ARHGAP6: variants seen among roughly 807,000 people sequenced by gnomAD.
ARHGAP6 encodes the protein Rho GTPase activating protein 6.
Under a neutral mutation model 55.7 loss-of-function variants are expected in ARHGAP6, and 16 were observed. The ratio of observed to expected loss-of-function variants is 0.29; its 90% CI spans 0.19 to 0.44. The LOEUF is 0.44. Among genes scored for constraint, ARHGAP6 ranks in the 20% least tolerant of loss-of-function variants. ARHGAP6 has a pLI of 1.00. For synonymous variants in ARHGAP6, 382 were observed against 360.9 expected (o/e 1.06, Z -0.66); for missense variants, 698 against 808.9 (o/e 0.86, Z 1.66).
rs16998849 is a variant in ARHGAP6 at position 11,241,393 on chromosome X, G to C, written c.748+13155C>G. Among the ~76,000 whole-genome samples, 1,099 of 111,038 alleles carry C rather than the reference G, an allele frequency of 9.9e-3. 10 individuals carry two copies. Among genetic ancestry groups the C allele is most frequent in the African/African-American group, 0.034 (1,050 of 30,554 alleles). ...TGAGAAAATTGCAAATTCAGGAGTG[G>C]ATTGCTAGTTTCTTAAGTGGGAACC... On this transcript the variant is annotated intron_variant, in intron 2 of 12. Transcript: ENST00000337414.
chrX:11,360,092 T>G (rs1297112112), intron 1 of ARHGAP6, among the ~76,000 whole-genome samples: 2 of 111,543 alleles, frequency 1.8e-5, no homozygotes, highest in African/African-American at 6.5e-5. Context: ...GAGGAACCAG[T>G]ACCATTCCTT....
At chrX:11,517,561 C>T (rs2050855666) in intron 1 of ARHGAP6, among the ~76,000 whole-genome samples, 1 of 111,220 alleles carries the variant, frequency 9.0e-6, no homozygotes, top group South Asian at 3.8e-4. Context: ...ATCTTTAGCC[C>T]TCATCTCTCT....
At chrX:11,588,864 C>T (rs944838838) in intron 1 of ARHGAP6, among the ~76,000 whole-genome samples, 1 of 111,207 alleles carries the variant, frequency 9.0e-6, no homozygotes, top group Admixed American at 9.6e-5. Context: ...TGGACAACCT[C>T]GTGAATATAC....
In ARHGAP6 at chrX:11,186,353, G is replaced by A; in HGVS notation, c.1156C>T (p.Pro386Ser). 8.3e-7 allele frequency: 1 copy of A among 1,210,828 alleles called. No individual in the cohort carries two copies. The highest frequency in any genetic ancestry group is 1.1e-6 in the Non-Finnish European group (1 of 894,957). The change falls in exon 5 of 13, where the codon CCT becomes TCT. Residue 386 changes from proline (P) to serine (S), a missense_variant. By Grantham distance (74) the Pro-to-Ser change is moderately conservative. Around this residue, in one of 3 missense-constraint regions of ARHGAP6, gnomAD observed 322 missense variants for 451.1 expected, o/e 0.71. Coordinates refer to ENST00000337414, the MANE Select transcript of ARHGAP6 (RefSeq NM_013427.3). ...RLLEALQLSL[P>S]AEAQSKKEKA... ...TCCTTTTTACTTTGAGCCTCAGCAG[G>A]CAAGGAAAGTTGTAAAGCTTCTAGT...
intron 1 of ARHGAP6, among the ~76,000 whole-genome samples, chrX:11,439,155 A>G (rs2050017346): frequency 8.9e-6 from 1 of 112,444 alleles, no homozygotes; most frequent in South Asian, 3.7e-4. Flanking sequence ...AAAACTTTAA[A>G]AGGAAAGCAT....
chrX:11,400,631 T>C (rs1017336019), intron 1 of ARHGAP6, among the ~76,000 whole-genome samples: 2 of 110,630 alleles, frequency 1.8e-5, no homozygotes, highest in African/African-American at 6.6e-5. Flanking sequence ...CCAATTTCTC[T>C]TTAAAACACC....
At chrX:11,656,041 G>A (rs1189509432) in intron 1 of ARHGAP6, among the ~76,000 whole-genome samples, 1 of 112,547 alleles carries the variant, frequency 8.9e-6, no homozygotes, top group Non-Finnish European at 1.9e-5. Context: ...AGTACAAATG[G>A]AGCCTTCTCA....
intron 1 of ARHGAP6, among the ~76,000 whole-genome samples, chrX:11,372,870 TAAGGA>T (rs779430818): frequency 9.2e-6 from 1 of 108,844 alleles, no homozygotes; most frequent in Non-Finnish European, 1.9e-5. Flanking sequence ...GCTGAAAGGT[TAAGGA>T]AAGACTTTGG....
At chrX:11,361,353 A>G (rs918243425) in intron 1 of ARHGAP6, among the ~76,000 whole-genome samples, 2 of 110,577 alleles carry the variant, frequency 1.8e-5, no homozygotes, top group East Asian at 2.8e-4. Context: ...AACGCCGCAT[A>G]TCTACAACTA....
chrX:11,339,145 C>T (rs1394088256), intron 1 of ARHGAP6, among the ~76,000 whole-genome samples: 2 of 112,335 alleles, frequency 1.8e-5, no homozygotes, highest in East Asian at 2.8e-4. Flanking sequence ...CTCAGGCACA[C>T]TCCAGGTGCT....
intron 1 of ARHGAP6, among the ~76,000 whole-genome samples, chrX:11,267,523 T>A (rs1326461103): frequency 1.8e-5 from 2 of 112,139 alleles, no homozygotes; most frequent in Admixed American, 9.5e-5. Flanking sequence ...AAAACCACAG[T>A]TCAGAGTCAG....
intron 1 of ARHGAP6, among the ~76,000 whole-genome samples, chrX:11,655,642 G>T (rs753997994): frequency 8.9e-6 from 1 of 112,007 alleles, no homozygotes; most frequent in African/African-American, 3.2e-5. Context: ...TGAAAACATC[G>T]TTCTTTACCA....
intron 10 of ARHGAP6, chrX:11,145,094 C>T (rs1183202389): frequency 8.9e-6 from 1 of 112,202 alleles, no homozygotes; most frequent in Non-Finnish European, 1.9e-5. Context: ...TTCTTTTCTA[C>T]CCTCCTCAAA....
At chrX:11,439,605 T>A (rs1219662351) in intron 1 of ARHGAP6, among the ~76,000 whole-genome samples, 4 of 112,474 alleles carry the variant, frequency 3.6e-5, no homozygotes, top group South Asian at 7.4e-4. Flanking sequence ...GAAAAAAAAA[T>A]TATCTTCCAT....
intron 1 of ARHGAP6, among the ~76,000 whole-genome samples, chrX:11,347,838 C>T (rs1440174931): frequency 9.0e-6 from 1 of 111,316 alleles, no homozygotes; most frequent in Non-Finnish European, 1.9e-5. Flanking sequence ...AAGTCCAGCC[C>T]ACAAAGTAGT....
In ARHGAP6 at chrX:11,158,971, C is replaced by T. The variant is rs111869075; in HGVS notation, c.1810-2345G>A. Among the ~76,000 whole-genome samples, 627 of 112,325 alleles carry T rather than the reference C, an allele frequency of 5.6e-3. 6 individuals carry two copies. The highest frequency in any genetic ancestry group is 0.019 in the African/African-American group (592 of 30,943). On this transcript the variant is annotated intron_variant, in intron 9 of 12. Coordinates refer to ENST00000337414, the MANE Select transcript of ARHGAP6 (RefSeq NM_013427.3). ...AGGCAAAGAAGGGCAATGAGAAATG[C>T]TTGGGAAGACGCAGTTTTCAATAGG...
intron 1 of ARHGAP6, among the ~76,000 whole-genome samples, chrX:11,272,622 C>T (rs183059601): frequency 1.6e-3 from 180 of 109,571 alleles, no homozygotes; most frequent in African/African-American, 5.7e-3. Context: ...AGCTCAGATT[C>T]TTTTTTTCCT....
chrX:11,633,972 A>G (rs1421018326), intron 1 of ARHGAP6, among the ~76,000 whole-genome samples: 1 of 111,467 alleles, frequency 9.0e-6, no homozygotes, highest in East Asian at 2.8e-4. Flanking sequence ...ATAAGTTAAT[A>G]TTTGTAAAAC....
chrX:11,393,334 T>G (rs908685989), intron 1 of ARHGAP6, among the ~76,000 whole-genome samples: 1 of 111,054 alleles, frequency 9.0e-6, no homozygotes, highest in Admixed American at 9.6e-5. Flanking sequence ...TTCCTCCCCC[T>G]GAAGAAAGCC....
Sources: gnomAD v4.1 joint callset for allele counts (sites outside exome capture counted in the v4.1 genomes callset) on GRCh38, gnomAD v4.1.1 for gene constraint, gnomAD v4.1.1 regional missense constraint, MANE v1.5 for transcripts, NCBI Gene and HGNC (gene_info 2026-07-23, HGNC 2026-07-21) for gene names.